The following FBRS variants were observed in gnomAD, a reference collection of about 807,000 sequenced individuals.
FBRS encodes probable fibrosin-1.
FBRS carries 15 observed loss-of-function variants against 86.1 expected under a neutral mutation model. That is an observed-to-expected ratio of 0.17 (90% confidence interval 0.12 to 0.27). The LOEUF (loss-of-function observed/expected upper bound fraction) is 0.27. Ranked by LOEUF, FBRS falls within the 10% of genes least tolerant of loss-of-function variation. The pLI, the probability that FBRS is intolerant of heterozygous loss-of-function variation, is 1.00. For synonymous variants in FBRS, 666 were observed against 575.8 expected (o/e 1.16, Z -2.24); for missense variants, 1,367 against 1,301.6 (o/e 1.05, Z -0.77).
At position 30,668,987 on chromosome 16, in the gene FBRS, T is replaced by TCCCCCCCCCCCCCCCCC; in HGVS notation, c.2366+11_2366+12insCCCCCCCCCCCCCCCCC. ...CAAGGAGGAGAAGGACAGGTGTGCC[T>TCCCCCCCCCCCCCCCCC]CCCACCCACCCTGCCCCTGCCCCAC... is the stretch of plus-strand genomic sequence containing the variant. On this transcript the variant is annotated intron_variant, in intron 17 of 17. Transcript: ENST00000356166. 1 of 1,481,128 alleles carries TCCCCCCCCCCCCCCCCC rather than the reference T, an allele frequency of 6.8e-7. No homozygotes were observed. Among genetic ancestry groups the TCCCCCCCCCCCCCCCCC allele is most frequent in the Non-Finnish European group, 9.2e-7 (1 of 1,088,974 alleles). The allele number at this position is 1,481,128 out of a possible 1,614,324, so 91.7% of individuals were successfully genotyped here. A position where few individuals can be genotyped will look rare whatever the true frequency, so the allele number is the denominator to read the frequency against.
At chr16:30,667,116 C>A in intron 13 of FBRS, 126 bp downstream of exon 13, 2 of 1,067,612 alleles carry the variant, frequency 1.9e-6, no homozygotes, top group Non-Finnish European at 2.8e-6. Context: ...TCCCCCATCA[C>A]TGCTGAACAG....
Position 30,660,453 on chromosome 16 carries a change from C to A in FBRS, c.639+11C>A. On this transcript the variant is annotated intron_variant, in intron 2 of 17. Coordinates refer to ENST00000356166, the MANE Select transcript of FBRS (RefSeq NM_001105079.3). ...CGGAGAAGAAAAGAGGTGAGGTTGT[C>A]CCTTAAAACTCTTTAGGCAGAATGT... 2 of 1,257,196 alleles carry A rather than the reference C, an allele frequency of 1.6e-6. No homozygotes were observed. Among genetic ancestry groups the A allele is most frequent in the Non-Finnish European group, 2.0e-6 (2 of 992,128 alleles). 77.9% of individuals were successfully genotyped at this position (1,257,196 alleles called of 1,614,324 possible). A position where few individuals can be genotyped will look rare whatever the true frequency, so the allele number is the denominator to read the frequency against.
chr16:30,668,486 T>C, intron 15 of FBRS, 74 bp from the exon 16 acceptor site: 1 of 1,395,132 alleles, frequency 7.2e-7, no homozygotes, highest in Non-Finnish European at 1.0e-6. Flanking sequence ...CGGTCCTGCC[T>C]CTGCCCAGCC....
intron 6 of FBRS, among the ~76,000 whole-genome samples, chr16:30,663,514 G>A (rs1280048020): frequency 3.5e-5 from 5 of 144,014 alleles, no homozygotes; most frequent in African/African-American, 1.3e-4. Flanking sequence ...GGGAGGCTAA[G>A]TTAAAAAAAA....
At position 30,665,711 on chromosome 16, in the gene FBRS, G is replaced by C; in HGVS notation, c.1773+5G>C. On this transcript the variant is annotated splice_donor_5th_base_variant and intron_variant, in intron 11 of 17. Transcript: ENST00000356166. The surrounding 1 kb of genome is among the most constrained non-coding windows in gnomAD (Gnocchi z 4.1). Reference sequence around the variant, plus strand: ...CTCTCCCAGAAGGGGACACAGGTGAGGGGGCCAGGGCAGGTCCTGGGGGAG... The same window carrying C: ...CTCTCCCAGAAGGGGACACAGGTGACGGGGCCAGGGCAGGTCCTGGGGGAG... 1 of 1,574,838 alleles carries C rather than the reference G, an allele frequency of 6.3e-7. No homozygotes were observed. The highest frequency in any genetic ancestry group is 8.6e-7 in the Non-Finnish European group (1 of 1,159,984).
At position 30,669,044 on chromosome 16, in the gene FBRS, TTCTC is replaced by T. The variant is rs2052558651; in HGVS notation, c.2367-22_2367-19del. On this transcript the variant is annotated intron_variant, in intron 17 of 17. Transcript: ENST00000356166. The surrounding 1 kb of genome is among the most constrained non-coding windows in gnomAD (Gnocchi z 5.9). ...CCCCTGCTGCCCCTGGAGAACTTCA[TTCTC>T]TCCCCACGCCTGCCCTCCAGGGACC... 1 of 1,349,828 alleles carries T rather than the reference TTCTC, an allele frequency of 7.4e-7. No individual in the cohort carries two copies. Among genetic ancestry groups the T allele is most frequent in the Non-Finnish European group, 9.8e-7 (1 of 1,022,694 alleles). 83.6% of individuals were successfully genotyped at this position (1,349,828 alleles called of 1,614,324 possible).
At position 30,665,316 on chromosome 16, in the gene FBRS, C is replaced by T; in HGVS notation, c.1619C>T (p.Ala540Val). The T allele has an allele frequency of 1.3e-6, 2 of 1,562,778 alleles. No individual in the cohort carries two copies. The highest frequency in any genetic ancestry group is 1.7e-6 in the Non-Finnish European group (2 of 1,154,326). The change falls in exon 10 of 18, where the codon GCC (alanine) becomes GTC (valine). Residue 540 changes from alanine (A) to valine (V), a missense_variant. Ala to Val is a moderately conservative substitution (Grantham distance 64). This residue lies in a region of FBRS where 659 missense variants were observed against 678.8 expected (regional missense o/e 0.97). Transcript: ENST00000356166. This position sits in a 1 kb window ranked among gnomAD's most constrained non-coding sequence, Gnocchi z 4.1. ...CCCTTCTCTCCACAGCCGTACACGG[C>T]CTTCCCTCCCGCAGTGCCCGGGCTG... Reference protein sequence around the residue: ...EGLFRHNPYTAFPPAVPGLPP... With the variant: ...EGLFRHNPYTVFPPAVPGLPP...
rs757546058 is a variant in FBRS at position 30,659,845 on chromosome 16, G to A, written c.327G>A (p.Glu109=). Residue 109 remains glutamate, a synonymous_variant, in exon 1 of 18, where the codon GAG becomes GAA. Coordinates refer to ENST00000356166, the MANE Select transcript of FBRS (RefSeq NM_001105079.3). The stretch of plus-strand genomic sequence containing the variant: ...GCTCGGGCAGCCGCGGGGAGGAAGA[G>A]GAGGAGGAGGAGGAGGAGGGGGGCG... ...PAGSGSRGEE[E]EEEEEEGGAD... 12 of 1,373,398 alleles carry A rather than the reference G, an allele frequency of 8.7e-6. No individual in the cohort carries two copies. The South Asian group carries it at 1.0e-4, about 11-fold the overall frequency. The allele number at this position is 1,373,398 out of a possible 1,614,324, so 85.1% of individuals were successfully genotyped here.
At chr16:30,660,157 G>C (rs902543394) in intron 1 of FBRS, 106 bp from the exon 2 acceptor site, 1 of 1,411,794 alleles carries the variant, frequency 7.1e-7, no homozygotes, top group Admixed American at 3.1e-5. Flanking sequence ...CGTCTCTGGG[G>C]ACCCGGTTTC....
Position 30,665,600 on chromosome 16 carries a change from C to T in FBRS, c.1705-38C>T, listed in dbSNP as rs1181487064. On this transcript the variant is annotated intron_variant, in intron 10 of 17. Transcript: ENST00000356166. This position sits in a 1 kb window ranked among gnomAD's most constrained non-coding sequence, Gnocchi z 4.1. ...TTCTGGATCCCTTTGTGCTTGGTGC[C>T]AGCTCTCCTGTCTGATCCCTCCACT... is the stretch of plus-strand genomic sequence containing the variant. 11 of 1,556,406 alleles carry T rather than the reference C, an allele frequency of 7.1e-6. No individual in the cohort carries two copies. Among genetic ancestry groups the T allele is most frequent in the South Asian group, 3.6e-5 (3 of 84,338 alleles).
rs745715762 is a variant in FBRS, at chr16:30,664,334, G to A, written c.1175G>A (p.Arg392Gln). Residue 392 changes from arginine (R) to glutamine (Q), a missense_variant, in exon 7 of 18, where the codon CGG (arginine) becomes CAG (glutamine). By Grantham distance (43) the Arg-to-Gln change is conservative. Coordinates refer to ENST00000356166, the MANE Select transcript of FBRS (RefSeq NM_001105079.3). Reference protein sequence around the residue: ...ASSSSAQLTHRPPTPSLPLPL... With the variant: ...ASSSSAQLTHQPPTPSLPLPL... ...TCCTCGTCCGCGCAGCTCACCCACC[G>A]GCCCCCGACGCCCTCACTGCCCCTG... 1.1e-4 allele frequency: 161 copies of A among 1,474,906 alleles called. 1 individual carries two copies. The highest frequency in any genetic ancestry group is 1.3e-4 in the Admixed American group (6 of 46,148). 91.4% of individuals were successfully genotyped at this position (1,474,906 alleles called of 1,614,324 possible). A position where few individuals can be genotyped will look rare whatever the true frequency, so the allele number is the denominator to read the frequency against.
rs2052459093 is a variant in FBRS, at chr16:30,661,349, G to A, written c.705+16G>A. On this transcript the variant is annotated intron_variant, in intron 4 of 17. Transcript: ENST00000356166. The stretch of plus-strand genomic sequence containing the variant: ...GGACGAGAGGGTGAGTGGGGCTAGA[G>A]CTTGGGTGGGCAGTGTCACTGCTTG... 1 of 1,550,474 alleles carries A rather than the reference G, an allele frequency of 6.4e-7. No individual in the cohort carries two copies. The highest frequency in any genetic ancestry group is 1.2e-5 in the South Asian group (1 of 84,056).
At chr16:30,662,328 G>C in intron 4 of FBRS, 92 bp from the exon 5 acceptor site, 1 of 1,535,480 alleles carries the variant, frequency 6.5e-7, no homozygotes, top group South Asian at 1.2e-5. Flanking sequence ...ACTACCACCA[G>C]TTCCTAGCAG....
At chr16:30,666,084 A>G in intron 11 of FBRS, 1 of 399,470 alleles carries the variant, frequency 2.5e-6, no homozygotes. Flanking sequence ...CACTTGCAGC[A>G]GTGTAGACCC....
rs910292905 is a variant in FBRS at position 30,661,065 on chromosome 16, G to C, written c.640-115G>C. The stretch of plus-strand genomic sequence containing the variant: ...TGGGCAGTGGCGGGAGAAGCAGCTG[G>C]AAGGAGAGGCTGAGAGTAGATCCTG... On this transcript the variant is annotated intron_variant, in intron 2 of 17. Transcript: ENST00000356166. 18 of 1,484,428 alleles carry C rather than the reference G, an allele frequency of 1.2e-5. No individual in the cohort carries two copies. In the East Asian group the frequency reaches 3.9e-4, roughly 32 times the overall value. The allele number at this position is 1,484,428 out of a possible 1,614,324, so 92.0% of individuals were successfully genotyped here.
chr16:30,667,139 C>T (rs2052532744), intron 13 of FBRS, 149 bp downstream of exon 13: 4 of 987,320 alleles, frequency 4.1e-6, no homozygotes, highest in African/African-American at 1.6e-5. Flanking sequence ...CTATGGCTGG[C>T]ACCTTAGTTC....
chr16:30,659,791 G>C lies in FBRS; in HGVS notation c.273G>C (p.Pro91=), dbSNP rs901250172. ...GGCCCCGTCCGAGACCTCGACCCCC[G>C]CGACCCCGAGCTCGGAAGCGGCCTG... The part of the protein sequence containing the change: ...RRRPRPRPRP[P]RPRARKRPAG... The change falls in exon 1 of 18, where the codon CCG becomes CCC. Residue 91 remains proline, a synonymous_variant. Transcript: ENST00000356166. 2.0e-6 allele frequency: 3 copies of C among 1,498,478 alleles called. No homozygotes were observed. The highest frequency in any genetic ancestry group is 4.5e-5 in the Admixed American group (2 of 44,572). The allele number at this position is 1,498,478 out of a possible 1,614,324, so 92.8% of individuals were successfully genotyped here. A position where few individuals can be genotyped will look rare whatever the true frequency, so the allele number is the denominator to read the frequency against.
chr16:30,658,547 CG>C lies in FBRS; in HGVS notation c.-971del, dbSNP rs995755202. 16 of 152,652 alleles carry C rather than the reference CG, an allele frequency of 1.0e-4. No homozygotes were observed. Among genetic ancestry groups the C allele is most frequent in the Admixed American group, 9.1e-4 (14 of 15,308 alleles). 9.5% of individuals were successfully genotyped at this position (152,652 alleles called of 1,614,324 possible). A position where few individuals can be genotyped will look rare whatever the true frequency, so the allele number is the denominator to read the frequency against. ...ACAGGAGTTTGTGCTGGAGCTCCCC[CG>C]CTGCCCATCGGCCGTTCCGGATCCC... is the stretch of plus-strand genomic sequence containing the variant. On this transcript the variant is annotated 5_prime_UTR_variant, in exon 1 of 18. Transcript: ENST00000356166.
rs953960704 is a variant in FBRS, at chr16:30,659,226, C to G, written c.-293C>G. Reference sequence around the variant, plus strand: ...CACTGTCGGGTCGTCTTAAAGGGGCCGGGAGCTGGACAACTTGGGGCCTCG... The same window carrying G: ...CACTGTCGGGTCGTCTTAAAGGGGCGGGGAGCTGGACAACTTGGGGCCTCG... On this transcript the variant is annotated 5_prime_UTR_variant, in exon 1 of 18. Transcript: ENST00000356166. 13 of 158,684 alleles carry G rather than the reference C, an allele frequency of 8.2e-5. No homozygotes were observed. Among genetic ancestry groups the G allele is most frequent in the Middle Eastern group, 3.0e-3 (1 of 336 alleles). 9.8% of individuals were successfully genotyped at this position (158,684 alleles called of 1,614,324 possible).
Sources: gnomAD v4.1 joint callset for allele counts (sites outside exome capture counted in the v4.1 genomes callset) on GRCh38, gnomAD v4.1.1 for gene constraint, gnomAD v4.1.1 regional missense constraint, Gnocchi (gnomAD v3.1) non-coding constraint, MANE v1.5 for transcripts, NCBI Gene and HGNC (gene_info 2026-07-23, HGNC 2026-07-21) for gene names.